Variants in KRABD5 observed in about 807,000 individuals in gnomAD.
The protein encoded by KRABD5 is KRAB domain containing 5, also known as KRAB domain-containing protein 5.
the KRABD5 span, among the ~76,000 whole-genome samples, chr16:31,734,521 G>A: frequency 6.6e-6 from 1 of 151,884 alleles, no homozygotes; most frequent in South Asian, 2.1e-4. Context: ...CAAAGTACAG[G>A]GATTATAGGC....
chr16:31,718,372 G>A, the KRABD5 span, among the ~76,000 whole-genome samples: 3 of 152,176 alleles, frequency 2.0e-5, no homozygotes, highest in Non-Finnish European at 2.9e-5. Flanking sequence ...AGGATGTATA[G>A]AAAATCCAGG....
the KRABD5 span, among the ~76,000 whole-genome samples, chr16:31,716,855 G>A: frequency 3.3e-5 from 5 of 152,304 alleles, no homozygotes; most frequent in East Asian, 9.7e-4. Flanking sequence ...GAAAATAAGG[G>A]AAGACATATT....
At chr16:31,744,184 G>A in the KRABD5 span, among the ~76,000 whole-genome samples, 3 of 152,130 alleles carry the variant, frequency 2.0e-5, no homozygotes, top group African/African-American at 7.2e-5. Flanking sequence ...GTGAGAAATG[G>A]CATTCTTGTC....
the KRABD5 span, among the ~76,000 whole-genome samples, chr16:31,737,243 G>A: frequency 6.6e-6 from 1 of 150,514 alleles, no homozygotes; most frequent in Non-Finnish European, 1.5e-5. Context: ...ATCCAAATTG[G>A]AATGGAAAAA....
the KRABD5 span, chr16:31,754,014 A>T: frequency 1.6e-6 from 2 of 1,284,114 alleles, no homozygotes; most frequent in South Asian, 1.3e-5. Context: ...AACTCAATTT[A>T]TGTCAGTTGC....
the KRABD5 span, chr16:31,760,607 G>A: frequency 6.6e-6 from 1 of 150,408 alleles, no homozygotes; most frequent in African/African-American, 2.5e-5. Context: ...TGCATTTGGA[G>A]TCTTGGAAAT....
chr16:31,747,765 G>T, the KRABD5 span, among the ~76,000 whole-genome samples: 12 of 152,260 alleles, frequency 7.9e-5, no homozygotes, highest in Admixed American at 2.6e-4. Flanking sequence ...TCTTCGTGTG[G>T]CTTTTGGCTG....
the KRABD5 span, among the ~76,000 whole-genome samples, chr16:31,736,468 C>T: frequency 9.0e-5 from 13 of 144,746 alleles, no homozygotes; most frequent in Admixed American, 4.9e-4. Flanking sequence ...ATAGAAATTG[C>T]GTTAAATCTA....
the KRABD5 span, chr16:31,754,099 A>G: frequency 1.4e-6 from 1 of 720,230 alleles, no homozygotes. Context: ...TTTAAAGGAA[A>G]TTTGGATAAT....
the KRABD5 span, among the ~76,000 whole-genome samples, chr16:31,746,590 G>A: frequency 6.6e-6 from 1 of 152,130 alleles, no homozygotes; most frequent in Non-Finnish European, 1.5e-5. Flanking sequence ...ATGAGTATGT[G>A]TCTTGGGGTT....
At chr16:31,743,606 G>T in the KRABD5 span, among the ~76,000 whole-genome samples, 3 of 151,924 alleles carry the variant, frequency 2.0e-5, no homozygotes, top group Admixed American at 6.6e-5. Context: ...GCTATATGGG[G>T]TCTTCTTTGA....
the KRABD5 span, among the ~76,000 whole-genome samples, chr16:31,733,035 G>T: frequency 6.6e-6 from 1 of 151,900 alleles, no homozygotes; most frequent in Non-Finnish European, 1.5e-5. Context: ...CCTTAGATCA[G>T]TTAATTGTAT....
the KRABD5 span, chr16:31,758,068 T>G: frequency 6.6e-6 from 1 of 152,186 alleles, no homozygotes; most frequent in Non-Finnish European, 1.5e-5. Context: ...TCTACAATCT[T>G]GGTTTCTAAA....
chr16:31,715,598 G>T, the KRABD5 span, among the ~76,000 whole-genome samples: 1 of 152,140 alleles, frequency 6.6e-6, no homozygotes, highest in African/African-American at 2.4e-5. Context: ...ATTATGGGAG[G>T]CCCTAACTTA....
the KRABD5 span, chr16:31,713,251 G>T: frequency 1.4e-6 from 1 of 719,308 alleles, no homozygotes; most frequent in Non-Finnish European, 2.3e-6. Flanking sequence ...TCCGGGATTT[G>T]GCGGTGGCCT....
chr16:31,720,409 A>G, the KRABD5 span, among the ~76,000 whole-genome samples: 1 of 152,204 alleles, frequency 6.6e-6, no homozygotes, highest in Non-Finnish European at 1.5e-5. Context: ...CCAAACCTGC[A>G]GAATCACAGT....
the KRABD5 span, among the ~76,000 whole-genome samples, chr16:31,740,094 G>A: frequency 3.3e-5 from 5 of 151,894 alleles, no homozygotes; most frequent in African/African-American, 9.7e-5. Context: ...ATCTCTGTTC[G>A]GGGGCTCTTA....
the KRABD5 span, chr16:31,755,784 AG>A: frequency 2.9e-6 from 1 of 339,890 alleles, no homozygotes; most frequent in Non-Finnish European, 5.7e-6. Context: ...TAGAGTTTAT[AG>A]GGAAACCGAC....
At chr16:31,713,418 C>A in the KRABD5 span, 1 of 1,605,546 alleles carries the variant, frequency 6.2e-7, no homozygotes. Flanking sequence ...GCCAGGACAT[C>A]CCGGAAGCTG....
Sources: gnomAD v4.1 joint callset for allele counts (sites outside exome capture counted in the v4.1 genomes callset) on GRCh38, gnomAD v4.1.1 for gene constraint, MANE v1.5 for transcripts, NCBI Gene and HGNC (gene_info 2026-07-23, HGNC 2026-07-21) for gene names.